Variants in PDE1A observed in about 807,000 individuals in gnomAD.
PDE1A encodes phosphodiesterase 1A.
In PDE1A, 35 loss-of-function variants were observed where a neutral mutation model predicts 61.7. The ratio of observed to expected loss-of-function variants is 0.57; its 90% CI spans 0.43 to 0.75. The LOEUF (loss-of-function observed/expected upper bound fraction) is 0.75, where lower values mean the gene tolerates loss of function less well. PDE1A is among the 30% of genes least tolerant of loss of function. The pLI is 0.00. For missense variants in PDE1A, 597 were observed against 630.6 expected (o/e 0.95, Z 0.57); for synonymous variants, 232 against 213.2 (o/e 1.09, Z -0.77).
intron 1 of PDE1A, among the ~76,000 whole-genome samples, chr2:182,314,984 G>A (rs1301315006): frequency 6.6e-6 from 1 of 152,108 alleles, no homozygotes; most frequent in East Asian, 1.9e-4. Flanking sequence ...GTGTGTAAAG[G>A]TGAGGGTTTA....
At chr2:182,420,331 AT>A (rs902426686) in intron 1 of PDE1A, among the ~76,000 whole-genome samples, 1 of 152,068 alleles carries the variant, frequency 6.6e-6, no homozygotes, top group African/African-American at 2.4e-5. Context: ...TTTCATCCAA[AT>A]TTAATTTAAT....
At chr2:182,635,032 C>T in the PDE1A span, among the ~76,000 whole-genome samples, 12 of 150,946 alleles carry the variant, frequency 7.9e-5, no homozygotes, top group African/African-American at 2.4e-4. Flanking sequence ...AATTATAGGA[C>T]AATAAATCAA....
intron 4 of PDE1A, among the ~76,000 whole-genome samples, 186 bp downstream of exon 4, chr2:182,234,246 A>G (rs995661905): frequency 6.6e-6 from 1 of 152,162 alleles, no homozygotes; most frequent in Non-Finnish European, 1.5e-5. Flanking sequence ...TAAATCAGTC[A>G]TTTGAATCTA....
At chr2:182,221,682 G>A (rs1440793587) in intron 7 of PDE1A, among the ~76,000 whole-genome samples, 1 of 151,960 alleles carries the variant, frequency 6.6e-6, no homozygotes, top group Non-Finnish European at 1.5e-5. Context: ...CCATCAAGGG[G>A]CTACAATGTG....
intron 13 of PDE1A, 36 bp downstream of exon 13, chr2:182,185,856 A>G (rs760851565): frequency 3.7e-6 from 6 of 1,612,684 alleles, no homozygotes; most frequent in Non-Finnish European, 5.1e-6. Context: ...GTGAAGACAG[A>G]GAGAGATGGC....
the PDE1A span, among the ~76,000 whole-genome samples, chr2:182,596,240 T>A: frequency 6.6e-6 from 1 of 152,036 alleles, no homozygotes; most frequent in East Asian, 1.9e-4. Context: ...ACACATGGAG[T>A]GAGCATGGGT....
chr2:182,307,767 G>A (rs1695686378), intron 1 of PDE1A, among the ~76,000 whole-genome samples: 1 of 152,064 alleles, frequency 6.6e-6, no homozygotes, highest in African/African-American at 2.4e-5. Flanking sequence ...TAGCTACCTG[G>A]GAAACTGAGG....
the PDE1A span, among the ~76,000 whole-genome samples, chr2:182,582,227 G>A: frequency 1.3e-5 from 2 of 152,290 alleles, no homozygotes; most frequent in East Asian, 1.9e-4. Context: ...ATAAAGCAAT[G>A]AACTGGGCAA....
chr2:182,585,857 G>A, the PDE1A span, among the ~76,000 whole-genome samples: 5 of 151,988 alleles, frequency 3.3e-5, no homozygotes, highest in Admixed American at 2.0e-4. Context: ...ACATATTCTT[G>A]TTTACTAATT....
chr2:182,222,308 A>T (rs925929331), intron 7 of PDE1A, among the ~76,000 whole-genome samples: 2 of 152,116 alleles, frequency 1.3e-5, no homozygotes, highest in Non-Finnish European at 2.9e-5. Flanking sequence ...TATATACTGT[A>T]TTATTTCAGC....
chr2:182,652,969 A>G, the PDE1A span, among the ~76,000 whole-genome samples: 2 of 152,186 alleles, frequency 1.3e-5, no homozygotes, highest in African/African-American at 4.8e-5. Flanking sequence ...GTCACCAGAC[A>G]TGGACACACA....
rs1272420785 is a variant in PDE1A, at chr2:182,176,381, C to T, written c.1517-8091G>A. On this transcript the variant is annotated intron_variant, in intron 13 of 13. Transcript: ENST00000351439. ...TTCCTTGAGCAGTGGTTTGTAGTTC[C>T]CTTTGAAGAGGTCCTTCACATCCCT... is the stretch of plus-strand genomic sequence containing the variant. 2.9e-4 allele frequency among the ~76,000 whole-genome samples: 43 copies of T among 149,176 alleles called. 1 individual carries two copies. Among genetic ancestry groups the T allele is most frequent in the Middle Eastern group, 3.4e-3 (1 of 294 alleles).
At chr2:182,596,679 C>CTGGATGGATGGATGGATGGATGGA in the PDE1A span, among the ~76,000 whole-genome samples, 4 of 148,986 alleles carry the variant, frequency 2.7e-5, no homozygotes, top group African/African-American at 7.4e-5. Context: ...GAATAATAAA[C>CTGGATGGATGGATGGATGGATGGA]TGGATGGATG....
intron 1 of PDE1A, among the ~76,000 whole-genome samples, chr2:182,352,159 G>A (rs1027827548): frequency 2.4e-4 from 37 of 152,288 alleles, no homozygotes; most frequent in African/African-American, 8.7e-4. Flanking sequence ...CTTGAGGGAT[G>A]AGGTAATGTT....
chr2:182,224,120 C>T (rs535828581), intron 6 of PDE1A, among the ~76,000 whole-genome samples, 156 bp from the exon 7 acceptor site: 2 of 151,898 alleles, frequency 1.3e-5, no homozygotes, highest in South Asian at 4.2e-4. Flanking sequence ...ACTAATTGTG[C>T]AAGATGGATG....
intron 2 of PDE1A, among the ~76,000 whole-genome samples, chr2:182,244,600 A>T (rs867283648): frequency 9.9e-5 from 15 of 151,944 alleles, no homozygotes; most frequent in Admixed American, 6.6e-5. Flanking sequence ...TACAGAATTG[A>T]TGATTTCATT....
the PDE1A span, among the ~76,000 whole-genome samples, chr2:182,528,279 C>T: frequency 3.3e-5 from 5 of 152,130 alleles, no homozygotes; most frequent in Admixed American, 1.3e-4. Context: ...GGAACTTGTT[C>T]GGAACTGCAG....
At chr2:182,540,193 G>A in the PDE1A span, among the ~76,000 whole-genome samples, 3 of 151,774 alleles carry the variant, frequency 2.0e-5, no homozygotes, top group Non-Finnish European at 4.4e-5. Flanking sequence ...GTGAAACACC[G>A]TCTCTACTAA....
At chr2:182,250,137 G>A (rs994586722) in intron 2 of PDE1A, among the ~76,000 whole-genome samples, 3 of 152,206 alleles carry the variant, frequency 2.0e-5, no homozygotes, top group South Asian at 2.1e-4. Flanking sequence ...TTCACATTCG[G>A]TCAATGCTAA....
Sources: allele counts gnomAD v4.1 joint callset (sites outside exome capture counted in the v4.1 genomes callset), GRCh38; gene constraint gnomAD v4.1.1; transcripts MANE v1.5; gene names NCBI Gene and HGNC (gene_info 2026-07-23, HGNC 2026-07-21).